Variants in ABCD3 observed in about 807,000 individuals in gnomAD.
ABCD3 encodes ATP-binding cassette sub-family D member 3.
In ABCD3, 41 loss-of-function variants were observed where a neutral mutation model predicts 105.5. That is an observed-to-expected ratio of 0.39 (90% CI 0.30 to 0.50). The LOEUF is 0.50. Ranked by LOEUF, ABCD3 falls within the 20% of genes least tolerant of loss-of-function variation. ABCD3 has a pLI of 0.84. For synonymous variants in ABCD3, 258 were observed against 269.0 expected, an observed-to-expected ratio of 0.96 and a Z score of 0.40; for missense variants, 622 against 806.3, an observed-to-expected ratio of 0.77 and a Z score of 2.77.
chr1:94,492,180 T>G (rs1485126945), intron 16 of ABCD3, among the ~76,000 whole-genome samples: 1 of 152,150 alleles, frequency 6.6e-6, no homozygotes, highest in Non-Finnish European at 1.5e-5. Flanking sequence ...ACAGCACAGC[T>G]CTAGAATTCC....
At chr1:94,435,299 G>A (rs1659855764) in intron 1 of ABCD3, among the ~76,000 whole-genome samples, 1 of 152,092 alleles carries the variant, frequency 6.6e-6, no homozygotes, top group Non-Finnish European at 1.5e-5. Flanking sequence ...CAGCACTTTG[G>A]GAGGCCCAGG....
chr1:94,464,743 T>C, intron 2 of ABCD3, 32 bp from the exon 3 acceptor site: 1 of 1,538,578 alleles, frequency 6.5e-7, no homozygotes, highest in Non-Finnish European at 9.0e-7. Flanking sequence ...TTGTTATAGC[T>C]ATCTTAAAAG....
intron 16 of ABCD3, among the ~76,000 whole-genome samples, 157 bp downstream of exon 16, chr1:94,491,404 A>G (rs183327758): frequency 4.6e-5 from 7 of 152,208 alleles, no homozygotes; most frequent in Admixed American, 1.3e-4. Context: ...TTAGAAATCT[A>G]TTTTTCTTAA....
At chr1:94,513,495 TA>T (rs1397227023) in intron 21 of ABCD3, 1 of 152,090 alleles carries the variant, frequency 6.6e-6, no homozygotes, top group Non-Finnish European at 1.5e-5. Flanking sequence ...GTGAATTCCT[TA>T]AGCTTAGAGC....
At chr1:94,390,061 A>G in the ABCD3 span, among the ~76,000 whole-genome samples, 1,294 of 152,206 alleles carry the variant, frequency 8.5e-3, 18 homozygotes, top group African/African-American at 0.03. Flanking sequence ...GTCCTTACTG[A>G]TGGAAATTAA....
At chr1:94,498,715 A>G (rs376557728) in intron 17 of ABCD3, 36 bp downstream of exon 17, 10 of 1,612,414 alleles carry the variant, frequency 6.2e-6, no homozygotes, top group South Asian at 3.3e-5. Flanking sequence ...TTGCAGTCTT[A>G]TTTTGCCATA....
rs185403796 is a variant in ABCD3 at position 94,455,388 on chromosome 1, C to T, written c.111-3219C>T. Among the ~76,000 whole-genome samples the T allele has an allele frequency of 5.4e-4, 82 of 151,286 alleles. 1 individual carries two copies. The East Asian group carries it at 0.014, about 26-fold the overall frequency. On this transcript the variant is annotated intron_variant, in intron 1 of 22. Transcript: ENST00000370214. ...TTGCCCAGGCTGGAGTGCGATGGCACGATCTTGGCTCACCACAACCTCCGC... is the reference window on the plus strand; with the variant it reads ...TTGCCCAGGCTGGAGTGCGATGGCATGATCTTGGCTCACCACAACCTCCGC...
At chr1:94,496,258 C>T (rs1460493512) in intron 16 of ABCD3, among the ~76,000 whole-genome samples, 1 of 152,164 alleles carries the variant, frequency 6.6e-6, no homozygotes, top group Non-Finnish European at 1.5e-5. Flanking sequence ...TCCTTCCTCT[C>T]CCTTGCCCCT....
chr1:94,499,374 A>G, intron 19 of ABCD3, 121 bp from the exon 20 acceptor site: 2 of 1,160,244 alleles, frequency 1.7e-6, no homozygotes, highest in Non-Finnish European at 2.5e-6. Flanking sequence ...CTTTTCTGAA[A>G]TGTATCTTTT....
chr1:94,502,614 A>G (rs1411923423), intron 20 of ABCD3, among the ~76,000 whole-genome samples: 1 of 151,478 alleles, frequency 6.6e-6, no homozygotes, highest in Non-Finnish European at 1.5e-5. Flanking sequence ...CTCCTGCCTC[A>G]GCCTCCCAAG....
At chr1:94,454,066 G>A (rs912684439) in intron 1 of ABCD3, among the ~76,000 whole-genome samples, 6 of 151,602 alleles carry the variant, frequency 4.0e-5, no homozygotes, top group East Asian at 1.9e-4. Flanking sequence ...ATATGTGTAT[G>A]TACTTGGGTA....
intron 4 of ABCD3, among the ~76,000 whole-genome samples, chr1:94,469,485 A>G (rs958772830): frequency 2.2e-4 from 27 of 123,594 alleles, no homozygotes; most frequent in South Asian, 1.4e-3. Context: ...TTATTTGTGC[A>G]CATTAGTTTT....
intron 4 of ABCD3, chr1:94,472,157 A>G: frequency 4.4e-6 from 4 of 909,190 alleles, no homozygotes; most frequent in South Asian, 5.1e-5. Flanking sequence ...TTTTTTGTTA[A>G]TTATTTTTTT....
intron 7 of ABCD3, among the ~76,000 whole-genome samples, chr1:94,476,722 G>A (rs549342141): frequency 6.6e-6 from 1 of 152,286 alleles, no homozygotes; most frequent in South Asian, 2.1e-4. Flanking sequence ...CTCATGCCCA[G>A]GCCCAATGCT....
intron 1 of ABCD3, among the ~76,000 whole-genome samples, chr1:94,427,156 A>G (rs916978552): frequency 6.6e-6 from 1 of 152,118 alleles, no homozygotes; most frequent in African/African-American, 2.4e-5. Context: ...GACAGTATCC[A>G]TAACCTGATG....
rs1405371923 is a variant in ABCD3, at chr1:94,517,092, A to G, written c.1943A>G (p.Lys648Arg). The G allele has an allele frequency of 2.5e-6, 4 of 1,611,026 alleles. No homozygotes were observed. The highest frequency in any genetic ancestry group is 2.2e-5 in the East Asian group (1 of 44,772). Residue 648 changes from lysine (K) to arginine (R), a missense_variant, in exon 23 of 23, where the codon AAA becomes AGA. Physicochemically the swap from Lys to Arg is conservative, Grantham distance 26. Transcript: ENST00000370214. ...GATGGCAGAGGCAACTATGAATTCA[A>G]ACAGATAACAGAAGATACAGTTGAG... ...HMDGRGNYEFKQITEDTVEFG... is the reference protein window; with the variant it reads ...HMDGRGNYEFRQITEDTVEFG...
chr1:94,469,369 T>C (rs750333820), intron 4 of ABCD3, among the ~76,000 whole-genome samples: 1 of 152,126 alleles, frequency 6.6e-6, no homozygotes, highest in Non-Finnish European at 1.5e-5. Flanking sequence ...CACAATTTAT[T>C]GTTTACATGA....
At chr1:94,419,767 G>A (rs1392489756) in intron 1 of ABCD3, among the ~76,000 whole-genome samples, 1 of 152,158 alleles carries the variant, frequency 6.6e-6, no homozygotes. Context: ...CTGAAGTGAT[G>A]ATCTTTCTTT....
chr1:94,450,229 A>G lies in ABCD3; in HGVS notation c.111-8378A>G, dbSNP rs113396487. On this transcript the variant is annotated intron_variant, in intron 1 of 22. Transcript: ENST00000370214. ...GTATAGTCTGCAGATGTGGATTCCA[A>G]CTCCTGCGAGAAGTAGCTCACTGTG... 9.3e-3 allele frequency among the ~76,000 whole-genome samples: 1,422 copies of G among 152,270 alleles called. 27 individuals are homozygous for G. Among genetic ancestry groups the G allele is most frequent in the African/African-American group, 0.033 (1,373 of 41,548 alleles).
Sources: gnomAD v4.1 joint callset for allele counts (sites outside exome capture counted in the v4.1 genomes callset) on GRCh38, gnomAD v4.1.1 for gene constraint, MANE v1.5 for transcripts, NCBI Gene and HGNC (gene_info 2026-07-23, HGNC 2026-07-21) for gene names.